Variants in ALG11 observed in about 807,000 individuals in gnomAD.
ALG11 encodes GDP-Man:Man(3)GlcNAc(2)-PP-Dol alpha-1,2-mannosyltransferase.
A neutral mutation model predicts 38.8 loss-of-function variants in ALG11; 26 were observed. The observed-to-expected ratio is 0.67, with a 90% confidence interval of 0.49 to 0.93. The LOEUF (loss-of-function observed/expected upper bound fraction) is 0.93. Among genes scored for constraint, ALG11 ranks in the 40% least tolerant of loss-of-function variants. ALG11 has a pLI of 0.00. For synonymous variants in ALG11, 199 were observed against 211.6 expected, an observed-to-expected ratio of 0.94 and a Z score of 0.52; for missense variants, 535 against 578.8, an observed-to-expected ratio of 0.92 and a Z score of 0.78.
At chr13:52,016,125 T>A (rs1363629464) in intron 1 of ALG11, 1 of 152,308 alleles carries the variant, frequency 6.6e-6, no homozygotes, top group Non-Finnish European at 1.5e-5. Context: ...CTAGAGGCAT[T>A]TTGCCCCTGC....
At position 52,032,785 on chromosome 13, in the gene ALG11, TTC is replaced by T. The variant is rs1362580131; in HGVS notation, c.*4201_*4202del. 1 of 167,050 alleles carries T rather than the reference TTC, an allele frequency of 6.0e-6. No homozygotes were observed. Among genetic ancestry groups the T allele is most frequent in the African/African-American group, 2.4e-5 (1 of 41,446 alleles). The allele number at this position is 167,050 out of a possible 1,614,324, so 10.3% of individuals were successfully genotyped here. ...AAAGGAACCCTACAGATTAGCCCAG[TTC>T]TCTCTTATTTTCAGCTTTACAGACA... On this transcript the variant is annotated 3_prime_UTR_variant, in exon 4 of 4. Coordinates refer to ENST00000521508, the MANE Select transcript of ALG11 (RefSeq NM_001004127.3).
chr13:52,026,901 G>C (rs1158482776), intron 3 of ALG11, among the ~76,000 whole-genome samples: 1 of 152,138 alleles, frequency 6.6e-6, no homozygotes, highest in Admixed American at 6.5e-5. Flanking sequence ...AGATCGCCTG[G>C]GGAATATGTA....
chr13:52,019,216 CTTTTTTTT>C (rs767701891), intron 2 of ALG11, 73 bp downstream of exon 2: 8 of 447,020 alleles, frequency 1.8e-5, no homozygotes, highest in East Asian at 5.7e-5. Flanking sequence ...AGAAATTCAT[CTTTTTTTT>C]TTTTTTTTTT....
In ALG11 at chr13:52,028,795, G is replaced by A; in HGVS notation, c.*205G>A. The A allele has an allele frequency of 6.2e-7, 1 of 1,614,210 alleles. No homozygotes were observed. Among genetic ancestry groups the A allele is most frequent in the African/African-American group, 1.3e-5 (1 of 75,064 alleles). Reference sequence around the variant, plus strand: ...ATTCTTGGTATACATGAGAGAGGCTGGCTGCTGAGATGAATGTGAACCAGG... The same window carrying A: ...ATTCTTGGTATACATGAGAGAGGCTAGCTGCTGAGATGAATGTGAACCAGG... On this transcript the variant is annotated 3_prime_UTR_variant, in exon 4 of 4. Transcript: ENST00000521508.
rs1593903157 is a variant in ALG11 at position 52,024,408 on chromosome 13, T to C, written c.678T>C (p.Asn226=). 6 of 1,613,564 alleles carry C rather than the reference T, an allele frequency of 3.7e-6. No homozygotes were observed. Among genetic ancestry groups the C allele is most frequent in the Non-Finnish European group, 4.2e-6 (5 of 1,179,598 alleles). Residue 226 remains asparagine (N), a synonymous_variant, in exon 3 of 4, where the codon AAT becomes AAC. Coordinates refer to ENST00000521508, the MANE Select transcript of ALG11 (RefSeq NM_001004127.3). ...GFNNAAFITR[N]PFLSKVKLIY... ...ATAATGCAGCCTTCATTACCAGGAA[T>C]CCTTTTCTCAGCAAAGTAAAGCTCA... is the stretch of plus-strand genomic sequence containing the variant.
At position 52,024,356 on chromosome 13, in the gene ALG11, T is replaced by C; in HGVS notation, c.626T>C (p.Val209Ala). The change falls in exon 3 of 4, where the codon GTA becomes GCA. Residue 209 changes from valine (V) to alanine (A), a missense_variant. By Grantham distance (64) the Val-to-Ala change is moderately conservative. Coordinates refer to ENST00000521508, the MANE Select transcript of ALG11 (RefSeq NM_001004127.3). ...YPTISTDMLS[V>A]VKNQNIGFNN... ...ACTATCAGCACCGACATGCTCTCTG[T>C]AGTGAAGAATCAAAATATTGGATTT... The C allele has an allele frequency of 6.2e-7, 1 of 1,614,128 alleles. No individual in the cohort carries two copies. Among genetic ancestry groups the C allele is most frequent in the Admixed American group, 1.7e-5 (1 of 60,020 alleles).
intron 1 of ALG11, 99 bp from the exon 2 acceptor site, chr13:52,018,814 T>A: frequency 1.0e-6 from 1 of 968,482 alleles, no homozygotes; most frequent in Non-Finnish European, 1.6e-6. Flanking sequence ...TCTCTCTTTG[T>A]TACTAATATA....
Position 52,019,008 on chromosome 13 carries a change from A to G in ALG11, c.140A>G (p.Gln47Arg), listed in dbSNP as rs1954160354. The G allele has an allele frequency of 6.2e-7, 1 of 1,614,058 alleles. No individual in the cohort carries two copies. The change falls in exon 2 of 4, where the codon CAG becomes CGG. Residue 47 changes from glutamine to arginine, a missense_variant. Transcript: ENST00000521508. ...CTTTGGGGAATCAGACTGCTGCTAC[A>G]GAGAAAGAAAAAATTAGTGTCAACT... The part of the protein sequence containing the change: ...IVLWGIRLLL[Q>R]RKKKLVSTSK...
chr13:52,025,991 G>A (rs1378274970), intron 3 of ALG11, among the ~76,000 whole-genome samples: 5 of 152,218 alleles, frequency 3.3e-5, no homozygotes, highest in Non-Finnish European at 7.3e-5. Context: ...CGCTTGGGTG[G>A]ATGCTAGGGA....
chr13:52,024,632 A>G lies in ALG11; in HGVS notation c.902A>G (p.His301Arg). The G allele has an allele frequency of 6.2e-7, 1 of 1,613,834 alleles. No homozygotes were observed. Among genetic ancestry groups the G allele is most frequent in the African/African-American group, 1.3e-5 (1 of 75,034 alleles). Residue 301 changes from histidine to arginine, a missense_variant, in exon 3 of 4, where the codon CAT (histidine) becomes CGT (arginine). Coordinates refer to ENST00000521508, the MANE Select transcript of ALG11 (RefSeq NM_001004127.3). ...PLHEKKMTPG[H>R]LLVSVGQFRP... ...CATGAGAAAAAGATGACCCCAGGAC[A>G]TTTGCTGGTTTCTGTTGGCCAGTTT...
At position 52,029,343 on chromosome 13, in the gene ALG11, G is replaced by T; in HGVS notation, c.*753G>T. On this transcript the variant is annotated 3_prime_UTR_variant, in exon 4 of 4. Transcript: ENST00000521508. ...CATGCGCTCAGTGGCTGGAAGGCAAGAACTCCCCTGGAGCAGGAAATTTTT... is the reference window on the plus strand; with the variant it reads ...CATGCGCTCAGTGGCTGGAAGGCAATAACTCCCCTGGAGCAGGAAATTTTT... 6.2e-7 allele frequency: 1 copy of T among 1,614,122 alleles called. No homozygotes were observed. The highest frequency in any genetic ancestry group is 8.5e-7 in the Non-Finnish European group (1 of 1,180,034).
chr13:52,018,178 A>G (rs185321192), intron 1 of ALG11, among the ~76,000 whole-genome samples: 4 of 152,306 alleles, frequency 2.6e-5, no homozygotes, highest in Admixed American at 6.5e-5. Flanking sequence ...CGTACTTGGC[A>G]TTGGGGACAT....
At position 52,030,468 on chromosome 13, in the gene ALG11, A is replaced by G. The variant is rs1954290739; in HGVS notation, c.*1878A>G. ...CCTAAGGAGAAGAAAGAGAAGGAGC[A>G]ACTGATCAACCTACAGAACTTCCTG... On this transcript the variant is annotated 3_prime_UTR_variant, in exon 4 of 4. Coordinates refer to ENST00000521508, the MANE Select transcript of ALG11 (RefSeq NM_001004127.3). 6.2e-7 allele frequency: 1 copy of G among 1,614,244 alleles called. No individual in the cohort carries two copies. Among genetic ancestry groups the G allele is most frequent in the Non-Finnish European group, 8.5e-7 (1 of 1,180,046 alleles).
intron 1 of ALG11, chr13:52,016,875 C>T (rs975681370): frequency 6.6e-5 from 10 of 152,212 alleles, no homozygotes; most frequent in African/African-American, 2.4e-4. Context: ...AGAGGGCCAC[C>T]GTCCTCCATA....
chr13:52,015,154 A>G (rs919039366), intron 1 of ALG11, among the ~76,000 whole-genome samples: 1 of 152,308 alleles, frequency 6.6e-6, no homozygotes, highest in East Asian at 1.9e-4. Flanking sequence ...TGTAATCTCA[A>G]TGCTTTGGAA....
rs909972358 is a variant in ALG11 at position 52,030,358 on chromosome 13, A to G, written c.*1768A>G. 6.2e-7 allele frequency: 1 copy of G among 1,614,098 alleles called. No homozygotes were observed. The highest frequency in any genetic ancestry group is 1.7e-5 in the Admixed American group (1 of 60,008). ...AAGAGCTAGAAGAGCTGGGAAAAGAAGATTGTTTTCAAAATAAGGAGCTTC... is the reference window on the plus strand; with the variant it reads ...AAGAGCTAGAAGAGCTGGGAAAAGAGGATTGTTTTCAAAATAAGGAGCTTC... On this transcript the variant is annotated 3_prime_UTR_variant, in exon 4 of 4. Transcript: ENST00000521508.
In ALG11 at chr13:52,029,760, G is replaced by T; in HGVS notation, c.*1170G>T. 1.2e-6 allele frequency: 2 copies of T among 1,614,144 alleles called. No individual in the cohort carries two copies. Among genetic ancestry groups the T allele is most frequent in the Non-Finnish European group, 1.7e-6 (2 of 1,180,014 alleles). ...ATGGCCAAATATGACCTGGAGGCTC[G>T]CCAAGCTATGCAGGAACAGTTGGCC... On this transcript the variant is annotated 3_prime_UTR_variant, in exon 4 of 4. Transcript: ENST00000521508.
At position 52,024,837 on chromosome 13, in the gene ALG11, T is replaced by C. The variant is rs146432805; in HGVS notation, c.1107T>C (p.Tyr369=). 727 of 1,613,970 alleles carry C rather than the reference T, an allele frequency of 4.5e-4. 7 individuals are homozygous for C. In the East Asian group the frequency reaches 0.013, roughly 28 times the overall value. Residue 369 remains tyrosine (Y), a synonymous_variant, in exon 3 of 4, where the codon TAT becomes TAC. Coordinates refer to ENST00000521508, the MANE Select transcript of ALG11 (RefSeq NM_001004127.3). ...CTGAGGATTTAGGAGTTCAAGAATATGTGGAATTTAAAATAAACATTCCAT... is the reference window on the plus strand; with the variant it reads ...CTGAGGATTTAGGAGTTCAAGAATACGTGGAATTTAAAATAAACATTCCAT... ...RLSEDLGVQE[Y]VEFKINIPFD... is the part of the protein sequence containing the mutation.
chr13:52,013,324 A>G (rs1954101343), intron 1 of ALG11, among the ~76,000 whole-genome samples: 1 of 152,230 alleles, frequency 6.6e-6, no homozygotes, highest in Non-Finnish European at 1.5e-5. Context: ...AATTCTTTCA[A>G]AAGTTCAGGC....
Sources: allele counts gnomAD v4.1 joint callset (sites outside exome capture counted in the v4.1 genomes callset), GRCh38; gene constraint gnomAD v4.1.1; transcripts MANE v1.5; gene names NCBI Gene and HGNC (gene_info 2026-07-23, HGNC 2026-07-21).